The following ELF1 variants were observed in gnomAD, a reference collection of about 807,000 sequenced individuals.
The protein encoded by ELF1 is ETS-related transcription factor Elf-1.
A neutral mutation model predicts 59.9 loss-of-function variants in ELF1; 24 were observed. That is an observed-to-expected ratio of 0.40 (90% CI 0.29 to 0.56). The LOEUF is 0.56. Ranked by LOEUF, ELF1 falls within the 20% of genes least tolerant of loss-of-function variation. ELF1 has a pLI of 0.44. For synonymous variants in ELF1, 248 were observed against 266.2 expected (o/e 0.93, Z 0.67); for missense variants, 627 against 742.2 (o/e 0.84, Z 1.80).
At chr13:41,031,312 A>G (rs9532708) in intron 1 of ELF1, among the ~76,000 whole-genome samples, 152,325 of 152,336 alleles carry the variant, frequency 1, 76,157 homozygotes, top group Non-Finnish European at 1. Context: ...ACTGTATCGT[A>G]CAGCTTCTAC....
chr13:41,061,087 G>C (rs1162411180), exon 1 of ELF1: 2 of 195,480 alleles, frequency 1.0e-5, no homozygotes, highest in East Asian at 9.8e-5. Context: ...CGCCGGTCCC[G>C]CAGTTTCACC....
chr13:40,998,271 A>G (rs1447555529), intron 1 of ELF1, among the ~76,000 whole-genome samples: 1 of 152,242 alleles, frequency 6.6e-6, no homozygotes, highest in Non-Finnish European at 1.5e-5. Context: ...TGAACAATGA[A>G]GCAGATATAC....
chr13:41,057,338 T>C (rs1254275904), intron 1 of ELF1, among the ~76,000 whole-genome samples: 6 of 152,040 alleles, frequency 3.9e-5, no homozygotes, highest in Admixed American at 3.9e-4. Context: ...TTTTTAATTT[T>C]ATTTTTGTAG....
intron 1 of ELF1, among the ~76,000 whole-genome samples, chr13:41,002,354 A>G (rs958111495): frequency 1.6e-4 from 25 of 152,090 alleles, no homozygotes; most frequent in Non-Finnish European, 3.4e-4. Context: ...TGCAGAAATC[A>G]TATCAGGGCG....
chr13:41,001,972 C>A (rs1489607906), intron 1 of ELF1, among the ~76,000 whole-genome samples: 1 of 152,138 alleles, frequency 6.6e-6, no homozygotes, highest in Non-Finnish European at 1.5e-5. Context: ...CTCCTAGTTA[C>A]AATCCAACCC....
chr13:41,040,265 G>A (rs948158859), intron 1 of ELF1, among the ~76,000 whole-genome samples: 22 of 152,126 alleles, frequency 1.4e-4, no homozygotes, highest in African/African-American at 3.1e-4. Flanking sequence ...ATCGGGAAAC[G>A]TCACAGAAAC....
rs1876261610 is a variant in ELF1, at chr13:41,033,705, G to A, written c.-229+27133C>T. Reference sequence around the variant, plus strand: ...TCCTTATGAGAATCTAACGCCCAATGATTTGAGGTGGAACAGTTTCATCCT... The same window carrying A: ...TCCTTATGAGAATCTAACGCCCAATAATTTGAGGTGGAACAGTTTCATCCT... On this transcript the variant is annotated intron_variant, in intron 1 of 1. Coordinates refer to the ELF1 transcript ENST00000405737. Among the ~76,000 whole-genome samples, 3 of 152,324 alleles carry A rather than the reference G, an allele frequency of 2.0e-5. No homozygotes were observed. The South Asian group carries it at 6.2e-4, about 32-fold the overall frequency.
intron 1 of ELF1, among the ~76,000 whole-genome samples, chr13:41,012,469 C>T (rs1875127815): frequency 6.6e-6 from 1 of 151,050 alleles, no homozygotes; most frequent in Non-Finnish European, 1.5e-5. Flanking sequence ...GTTAAAGCTT[C>T]CTCTAATATC....
chr13:40,979,218 T>TACACAC (rs147590741), intron 2 of ELF1, among the ~76,000 whole-genome samples: 82,229 of 151,172 alleles, frequency 0.54, 25,409 homozygotes, highest in Non-Finnish European at 0.69. Context: ...AAAGATACAC[T>TACACAC]ACACACACAC....
intron 2 of ELF1, among the ~76,000 whole-genome samples, chr13:40,963,537 T>C (rs1871981238): frequency 6.6e-6 from 1 of 152,198 alleles, no homozygotes; most frequent in Admixed American, 6.5e-5. Flanking sequence ...ATATTCAAAG[T>C]TGTTCATCTC....
intron 1 of ELF1, among the ~76,000 whole-genome samples, chr13:41,047,127 A>T (rs1876880670): frequency 6.6e-6 from 1 of 152,176 alleles, no homozygotes; most frequent in African/African-American, 2.4e-5. Context: ...TTTCAGCTCC[A>T]TCAGGTCGTT....
chr13:41,027,981 C>T (rs1876006382), intron 1 of ELF1, among the ~76,000 whole-genome samples: 1 of 152,136 alleles, frequency 6.6e-6, no homozygotes, highest in Non-Finnish European at 1.5e-5. Context: ...TACTGTTTTT[C>T]CCACAGCCAG....
chr13:40,987,315 C>G (rs1873606329), intron 1 of ELF1, among the ~76,000 whole-genome samples: 1 of 149,782 alleles, frequency 6.7e-6, no homozygotes, highest in African/African-American at 2.4e-5. Context: ...GGTGCCGTGG[C>G]TCACGCCTGT....
intron 2 of ELF1, among the ~76,000 whole-genome samples, chr13:40,968,136 AC>A (rs1158142423): frequency 6.6e-6 from 1 of 152,230 alleles, no homozygotes; most frequent in Non-Finnish European, 1.5e-5. Flanking sequence ...TTACCGACAT[AC>A]ATTTTTATAT....
intron 2 of ELF1, among the ~76,000 whole-genome samples, chr13:40,970,549 T>G (rs909625830): frequency 2.6e-5 from 4 of 152,220 alleles, no homozygotes; most frequent in Admixed American, 2.0e-4. Flanking sequence ...TATTCAAGAC[T>G]AAGGCAAGTA....
In ELF1 at chr13:41,055,856, GT is replaced by G. The variant is rs908604317; in HGVS notation, c.-229+4981del. Among the ~76,000 whole-genome samples the G allele has an allele frequency of 5.9e-4, 84 of 142,016 alleles. 1 individual carries two copies. The highest frequency in any genetic ancestry group is 1.2e-3 in the African/African-American group (48 of 38,784). 93.2% of individuals were successfully genotyped at this position (142,016 alleles called of 152,430 possible). ...CGCACCACCACACCAGCTAATTTTT[GT>G]TTTTTTTTTTCTTTGGTAGAGATGA... On this transcript the variant is annotated intron_variant, in intron 1 of 1. Coordinates refer to the ELF1 transcript ENST00000405737.
At chr13:41,030,002 C>A (rs1948684121) in intron 1 of ELF1, among the ~76,000 whole-genome samples, 4 of 152,020 alleles carry the variant, frequency 2.6e-5, no homozygotes, top group Admixed American at 2.6e-4. Context: ...AGTCCTAAAG[C>A]CCAGGTTAAA....
chr13:41,037,768 C>A (rs113361369), intron 1 of ELF1, among the ~76,000 whole-genome samples: 3,823 of 151,668 alleles, frequency 0.025, 148 homozygotes, highest in East Asian at 0.2. Flanking sequence ...TGCACTCCAG[C>A]CTGGGCGACT....
intron 1 of ELF1, among the ~76,000 whole-genome samples, chr13:41,002,170 T>C (rs1194860970): frequency 6.6e-6 from 1 of 152,186 alleles, no homozygotes; most frequent in Non-Finnish European, 1.5e-5. Context: ...GCTGATTTAC[T>C]TAGGGGTAAC....
Sources: allele counts gnomAD v4.1 joint callset (sites outside exome capture counted in the v4.1 genomes callset), GRCh38; gene constraint gnomAD v4.1.1; transcripts MANE v1.5; gene names NCBI Gene and HGNC (gene_info 2026-07-23, HGNC 2026-07-21).